The following NPSR1 variants were observed in gnomAD, a reference collection of about 807,000 sequenced individuals.
NPSR1 encodes neuropeptide S receptor 1.
In NPSR1, 48 loss-of-function variants were observed where a neutral mutation model predicts 46.9. The observed-to-expected ratio is 1.02, with a 90% CI of 0.81 to 1.30. The LOEUF (loss-of-function observed/expected upper bound fraction) is 1.30, where lower values mean the gene tolerates loss of function less well. Ranked by LOEUF, NPSR1 falls within the 50% of genes most tolerant of loss-of-function variation. NPSR1 has a pLI of 0.00. For missense variants in NPSR1, 450 were observed against 449.5 expected (o/e 1.00, Z -0.01); for synonymous variants, 176 against 168.1 (o/e 1.05, Z -0.36).
At chr7:34,868,112 T>C (rs1318464875) in intron 8 of NPSR1, among the ~76,000 whole-genome samples, 6 of 151,924 alleles carry the variant, frequency 3.9e-5, no homozygotes, top group African/African-American at 1.5e-4. Context: ...GGACTGTTAT[T>C]AAATAAACCT....
intron 5 of NPSR1, among the ~76,000 whole-genome samples, chr7:34,829,650 C>T (rs1184769116): frequency 6.6e-6 from 1 of 152,166 alleles, no homozygotes; most frequent in Non-Finnish European, 1.5e-5. Context: ...AGCACATGGA[C>T]CACGCAGCTC....
At chr7:34,663,067 C>CTCTCTCTCTCTCTCTCTCTG (rs35826710) in intron 1 of NPSR1, among the ~76,000 whole-genome samples, 9 of 99,420 alleles carry the variant, frequency 9.1e-5, no homozygotes, top group African/African-American at 2.8e-4. Flanking sequence ...CTCTCTCTCT[C>CTCTCTCTCTCTCTCTCTCTG]TGTGTGTGTG....
At chr7:34,702,529 C>A (rs1793881464) in intron 2 of NPSR1, among the ~76,000 whole-genome samples, 1 of 152,164 alleles carries the variant, frequency 6.6e-6, no homozygotes, top group Non-Finnish European at 1.5e-5. Flanking sequence ...CCACCCATTG[C>A]CTGCTTTGAG....
At chr7:34,743,808 G>A (rs908675084) in intron 2 of NPSR1, among the ~76,000 whole-genome samples, 13 of 152,082 alleles carry the variant, frequency 8.5e-5, no homozygotes, top group Non-Finnish European at 1.3e-4. Context: ...ATTTTCAAAA[G>A]TACCAGGCTT....
intron 2 of NPSR1, among the ~76,000 whole-genome samples, chr7:34,744,270 T>C (rs1202037506): frequency 6.6e-6 from 1 of 152,228 alleles, no homozygotes; most frequent in Non-Finnish European, 1.5e-5. Context: ...TTATCTTACA[T>C]TGATATCACT....
intron 3 of NPSR1, among the ~76,000 whole-genome samples, chr7:34,783,810 G>A (rs1367621120): frequency 6.6e-6 from 1 of 152,044 alleles, no homozygotes; most frequent in Non-Finnish European, 1.5e-5. Flanking sequence ...AAGGCTAGCA[G>A]AAAATTTCTC....
chr7:34,794,833 A>T (rs1788100225), intron 3 of NPSR1, among the ~76,000 whole-genome samples: 1 of 152,104 alleles, frequency 6.6e-6, no homozygotes, highest in Non-Finnish European at 1.5e-5. Context: ...ATAATTCTAC[A>T]CTTGAGATAA....
At chr7:34,751,903 C>G in intron 2 of NPSR1, 1 of 1,479,988 alleles carries the variant, frequency 6.8e-7, no homozygotes, top group African/African-American at 1.4e-5. Context: ...GGGACCGTCT[C>G]CCGCAGTCAC....
chr7:34,730,431 A>C (rs1318131662), intron 2 of NPSR1, among the ~76,000 whole-genome samples: 1 of 152,176 alleles, frequency 6.6e-6, no homozygotes, highest in African/African-American at 2.4e-5. Context: ...AAAGGATAGC[A>C]GTGTCTTGGG....
intron 2 of NPSR1, among the ~76,000 whole-genome samples, chr7:34,745,897 G>A (rs1040245251): frequency 1.3e-5 from 2 of 152,184 alleles, no homozygotes; most frequent in African/African-American, 4.8e-5. Flanking sequence ...TGTGTACACA[G>A]GTGTTCATGT....
intron 2 of NPSR1, chr7:34,768,275 A>C (rs1446812312): frequency 1.3e-5 from 2 of 152,116 alleles, no homozygotes; most frequent in African/African-American, 4.8e-5. Flanking sequence ...ATCTAGCAAA[A>C]ATACCTGTTT....
rs1003920105 is a variant in NPSR1, at chr7:34,848,448, C to T, written c.845-35C>T. 1.6e-5 allele frequency: 26 copies of T among 1,601,306 alleles called. 1 individual carries two copies. Among genetic ancestry groups the T allele is most frequent in the Middle Eastern group, 1.7e-4 (1 of 6,016 alleles). ...ACCAAAAGAGACCCCTCAACTGCTA[C>T]CTGCTGTGATGCTAATGGCTCTCTT... On this transcript the variant is annotated intron_variant, in intron 7 of 8. Transcript: ENST00000360581.
In NPSR1 at chr7:34,678,218, CTTTTTTTTTTT is replaced by C. The variant is rs869140156; in HGVS notation, c.148-6320_148-6310del. 6.2e-3 allele frequency among the ~76,000 whole-genome samples: 622 copies of C among 100,700 alleles called. 13 individuals are homozygous for C. The highest frequency in any genetic ancestry group is 0.044 in the Admixed American group (377 of 8,650). 66.1% of individuals were successfully genotyped at this position (100,700 alleles called of 152,430 possible). A position where few individuals can be genotyped will look rare whatever the true frequency, so the allele number is the denominator to read the frequency against. On this transcript the variant is annotated intron_variant, in intron 1 of 8. Transcript: ENST00000360581. ...GGATATGATACAAGGCTTTGCAATT[CTTTTTTTTTTT>C]TTTTTTTTTTTTTGACAGAGTCTCA...
rs188010546 is a variant in NPSR1 at position 34,829,654 on chromosome 7, G to A, written c.680+2052G>A. Among the ~76,000 whole-genome samples, 327 of 152,280 alleles carry A rather than the reference G, an allele frequency of 2.1e-3. 7 individuals carry two copies. The highest frequency in any genetic ancestry group is 4.0e-4 in the Non-Finnish European group (27 of 68,018). ...GTGGATGCTGCAGCACATGGACCAC[G>A]CAGCTCAGGTTATCCTGTATCTATG... On this transcript the variant is annotated intron_variant, in intron 5 of 8. Coordinates refer to ENST00000360581, the MANE Select transcript of NPSR1 (RefSeq NM_207172.2).
At chr7:34,725,636 T>G (rs886711135) in intron 2 of NPSR1, among the ~76,000 whole-genome samples, 2 of 152,208 alleles carry the variant, frequency 1.3e-5, no homozygotes, top group Non-Finnish European at 2.9e-5. Context: ...GTGGAGAGAC[T>G]CTTTTCCGCC....
chr7:34,792,665 T>TTATATATATGTATA (rs1375681125), intron 3 of NPSR1, among the ~76,000 whole-genome samples: 3 of 78,782 alleles, frequency 3.8e-5, no homozygotes, highest in South Asian at 6.8e-4. Flanking sequence ...ATATATATAT[T>TTATATATATGTATA]TATATATATG....
At chr7:34,825,325 C>G (rs549939198) in intron 4 of NPSR1, among the ~76,000 whole-genome samples, 54 of 152,320 alleles carry the variant, frequency 3.5e-4, no homozygotes, top group African/African-American at 1.3e-3. Flanking sequence ...CAGTCTCTCA[C>G]CTTTCATACT....
In NPSR1 at chr7:34,841,215, C is replaced by T. The variant is rs184049069; in HGVS notation, c.758-3681C>T. Among the ~76,000 whole-genome samples, 804 of 152,226 alleles carry T rather than the reference C, an allele frequency of 5.3e-3. 4 individuals are homozygous for T. Among genetic ancestry groups the T allele is most frequent in the Non-Finnish European group, 9.0e-3 (613 of 68,022 alleles). The stretch of plus-strand genomic sequence containing the variant: ...CTCTTTATAGGTCCACAGATGAATT[C>T]CCCCCACTACCTCCCAGGAAACAAT... On this transcript the variant is annotated intron_variant, in intron 6 of 8. Transcript: ENST00000360581.
chr7:34,836,827 A>G (rs1280685981), intron 6 of NPSR1, among the ~76,000 whole-genome samples: 1 of 152,202 alleles, frequency 6.6e-6, no homozygotes, highest in Admixed American at 6.5e-5. Context: ...AAAGATCTGA[A>G]TATCCTACAA....
Sources: allele counts gnomAD v4.1 joint callset (sites outside exome capture counted in the v4.1 genomes callset), GRCh38; gene constraint gnomAD v4.1.1; transcripts MANE v1.5; gene names NCBI Gene and HGNC (gene_info 2026-07-23, HGNC 2026-07-21).